MROH1: variants seen among roughly 807,000 people sequenced by gnomAD.
MROH1 encodes the protein maestro heat-like repeat-containing protein family member 1.
In MROH1, 117 loss-of-function variants were observed where a neutral mutation model predicts 116.5. The ratio of observed to expected loss-of-function variants is 1.00; its 90% CI spans 0.86 to 1.17. The LOEUF (loss-of-function observed/expected upper bound fraction) is 1.17, where lower values mean the gene tolerates loss of function less well. Ranked by LOEUF, MROH1 falls within the 50% of genes most tolerant of loss-of-function variation. The pLI is 0.00. For synonymous variants in MROH1, 921 were observed against 583.9 expected (o/e 1.58, Z -8.32); for missense variants, 1,873 against 1,338.5 (o/e 1.40, Z -6.23).
In MROH1 at chr8:144,191,187, A is replaced by G. The variant is rs529759388; in HGVS notation, c.714+252A>G. 1.2e-4 allele frequency among the ~76,000 whole-genome samples: 18 copies of G among 152,276 alleles called. No homozygotes were observed. In the East Asian group the frequency reaches 3.1e-3, roughly 26 times the overall value. On this transcript the variant is annotated intron_variant, in intron 8 of 43. Transcript: ENST00000326134. Reference sequence around the variant, plus strand: ...CTGCTTCAAGCGATTCTCATGCCTCAGCCTCCTGAGTAGGTGGGATTACAG... The same window carrying G: ...CTGCTTCAAGCGATTCTCATGCCTCGGCCTCCTGAGTAGGTGGGATTACAG...
intron 1 of MROH1, among the ~76,000 whole-genome samples, chr8:144,154,665 C>CTTTT (rs1224999167): frequency 1.5e-5 from 2 of 133,838 alleles, no homozygotes; most frequent in African/African-American, 2.7e-5. Context: ...AATACTGCAT[C>CTTTT]TTTTTTTTTT....
At position 144,254,899 on chromosome 8, in the gene MROH1, G is replaced by A. The variant is rs1843425120; in HGVS notation, c.3515G>A (p.Arg1172Lys). ...VLGLLLEKMS[R>K]DVPFKESRAF... ...GGGCTGCTGCTGGAGAAGATGAGTAGGGACGTCCCTTTCAAGGAGAGCCGG... is the reference window on the plus strand; with the variant it reads ...GGGCTGCTGCTGGAGAAGATGAGTAAGGACGTCCCTTTCAAGGAGAGCCGG... Residue 1172 changes from arginine to lysine, a missense_variant, in exon 34 of 44, where the codon AGG (arginine) becomes AAG (lysine). Coordinates refer to ENST00000326134, the MANE Select transcript of MROH1 (RefSeq NM_032450.3). 2.6e-6 allele frequency: 2 copies of A among 778,100 alleles called. No homozygotes were observed. The highest frequency in any genetic ancestry group is 1.3e-5 in the South Asian group (1 of 74,482). 48.2% of individuals were successfully genotyped at this position (778,100 alleles called of 1,614,324 possible).
chr8:144,221,227 C>T (rs1172491371), intron 13 of MROH1, among the ~76,000 whole-genome samples: 1 of 152,212 alleles, frequency 6.6e-6, no homozygotes, highest in East Asian at 1.9e-4. Context: ...ATCTCCAGCC[C>T]CTCTGGAGGT....
At chr8:144,179,613 A>T in intron 5 of MROH1, 27 bp downstream of exon 5, 1 of 1,581,510 alleles carries the variant, frequency 6.3e-7, no homozygotes, top group South Asian at 1.2e-5. Context: ...CTGGCCTCGC[A>T]GACTCAGGCC....
At chr8:144,248,837 G>C in intron 31 of MROH1, 40 bp from the exon 32 acceptor site, 1 of 770,976 alleles carries the variant, frequency 1.3e-6, no homozygotes, top group Non-Finnish European at 2.4e-6. Context: ...CGTTGGGGGT[G>C]CCCCCCTTCC....
intron 36 of MROH1, 69 bp from the exon 37 acceptor site, chr8:144,259,171 G>T: frequency 1.4e-6 from 1 of 704,064 alleles, no homozygotes; most frequent in South Asian, 1.5e-5. Flanking sequence ...GGCTGTGCAG[G>T]GTGGAAGGTG....
At chr8:144,178,161 T>G (rs981374004) in intron 4 of MROH1, among the ~76,000 whole-genome samples, 7 of 102,680 alleles carry the variant, frequency 6.8e-5, no homozygotes, top group Middle Eastern at 4.2e-3. Context: ...TGAGACAGAG[T>G]CTTGCTCCGT....
At chr8:144,225,174 G>A (rs1837561306) in intron 14 of MROH1, among the ~76,000 whole-genome samples, 1 of 152,194 alleles carries the variant, frequency 6.6e-6, no homozygotes, top group South Asian at 2.1e-4. Flanking sequence ...GAGTAGGTGG[G>A]ACCACAGGCA....
At position 144,255,620 on chromosome 8, in the gene MROH1, G is replaced by A. The variant is rs2133271816; in HGVS notation, c.3706G>A (p.Gly1236Ser). The A allele has an allele frequency of 2.6e-6, 2 of 777,456 alleles. No individual in the cohort carries two copies. Among genetic ancestry groups the A allele is most frequent in the Non-Finnish European group, 2.4e-6 (1 of 417,220 alleles). The allele number at this position is 777,456 out of a possible 1,614,324, so 48.2% of individuals were successfully genotyped here. The change falls in exon 35 of 44, where the codon GGT becomes AGT. Residue 1236 changes from glycine (G) to serine (S), a missense_variant. Transcript: ENST00000326134. ...VLLLRVSCTV[G>S]VQLPRNLQAQ... ...TCTGCTGCGCGTCAGCTGCACCGTGGGTGTCCAGCTGCCCCGGAACCTGCA... is the reference window on the plus strand; with the variant it reads ...TCTGCTGCGCGTCAGCTGCACCGTGAGTGTCCAGCTGCCCCGGAACCTGCA...
chr8:144,193,163 C>T (rs143233032), intron 10 of MROH1: 1 of 158,982 alleles, frequency 6.3e-6, no homozygotes, highest in Non-Finnish European at 1.4e-5. Context: ...AGCCACAGAG[C>T]TAGTAAACAT....
intron 12 of MROH1, among the ~76,000 whole-genome samples, chr8:144,218,655 CCTCCTCTCCCCTCCCGT>C: frequency 8.7e-6 from 1 of 114,402 alleles, no homozygotes; most frequent in Admixed American, 9.6e-5. Context: ...ACCATCCTCC[CCTCCTCTCCCCTCCCGT>C]CCCCTCTCCC....
intron 31 of MROH1, 122 bp from the exon 32 acceptor site, chr8:144,248,755 C>T: frequency 2.9e-6 from 2 of 700,754 alleles, no homozygotes; most frequent in Admixed American, 4.1e-5. Context: ...GCGGCTGGGG[C>T]CCGGCTGCAA....
At chr8:144,164,292 C>G (rs1820250251) in intron 3 of MROH1, among the ~76,000 whole-genome samples, 1 of 151,274 alleles carries the variant, frequency 6.6e-6, no homozygotes, top group South Asian at 2.1e-4. Flanking sequence ...GTAGTCCCAG[C>G]TACTCGGGAG....
rs1034762634 is a variant in MROH1 at position 144,257,255 on chromosome 8, G to A, written c.3792-1522G>A. ...CAGGCTTTTCCAGAGCTGCCTTCTC[G>A]TACGTCCGACCTTGGGGAGGGAACC... On this transcript the variant is annotated intron_variant, in intron 35 of 43. Transcript: ENST00000326134. Among the ~76,000 whole-genome samples the A allele has an allele frequency of 1.2e-3, 181 of 152,266 alleles. 3 individuals carry two copies. Among genetic ancestry groups the A allele is most frequent in the South Asian group, 6.6e-3 (32 of 4,828 alleles).
chr8:144,153,093 G>A (rs1301487667), intron 1 of MROH1, among the ~76,000 whole-genome samples: 1 of 152,142 alleles, frequency 6.6e-6, no homozygotes, highest in African/African-American at 2.4e-5. Context: ...CATAGAAGTT[G>A]GGATTCCACG....
chr8:144,163,977 T>TATA lies in MROH1; in HGVS notation c.22+129_22+130insATA. On this transcript the variant is annotated intron_variant, in intron 3 of 43. Transcript: ENST00000326134. The surrounding 1 kb of genome is among the most constrained non-coding windows in gnomAD (Gnocchi z 4.4). ...TCCACCCTATACTCGGGAGCCTGAG[T>TATA]GGGTTCTGGGCAGGTTGGGTGATGT... 9.6e-6 allele frequency: 9 copies of TATA among 934,862 alleles called. No individual in the cohort carries two copies. Among genetic ancestry groups the TATA allele is most frequent in the Non-Finnish European group, 1.4e-5 (9 of 627,580 alleles). The allele number at this position is 934,862 out of a possible 1,614,324, so 57.9% of individuals were successfully genotyped here.
intron 12 of MROH1, among the ~76,000 whole-genome samples, chr8:144,216,684 C>CTTTT (rs71320815): frequency 1.4e-5 from 2 of 142,830 alleles, no homozygotes; most frequent in African/African-American, 5.6e-5. Context: ...TTTTTTACTG[C>CTTTT]TTTTTTTTTT....
At chr8:144,190,987 C>G (rs1828441310) in intron 8 of MROH1, 52 bp downstream of exon 8, 2 of 1,554,970 alleles carry the variant, frequency 1.3e-6, no homozygotes, top group Non-Finnish European at 1.7e-6. Context: ...CTCTCTCCTC[C>G]CCACATTCCC....
At chr8:144,167,052 C>A (rs1821005621) in intron 3 of MROH1, among the ~76,000 whole-genome samples, 1 of 152,234 alleles carries the variant, frequency 6.6e-6, no homozygotes, top group Non-Finnish European at 1.5e-5. Context: ...GCACTGATGC[C>A]TGTGTGTTCC....
Sources: allele counts gnomAD v4.1 joint callset (sites outside exome capture counted in the v4.1 genomes callset), GRCh38; gene constraint gnomAD v4.1.1; non-coding constraint Gnocchi (gnomAD v3.1); transcripts MANE v1.5; gene names NCBI Gene and HGNC (gene_info 2026-07-23, HGNC 2026-07-21).